FTO: variants seen among roughly 807,000 people sequenced by gnomAD.
FTO encodes FTO alpha-ketoglutarate dependent dioxygenase, also known as alpha-ketoglutarate-dependent dioxygenase FTO.
FTO carries 47 observed loss-of-function variants against 63.9 expected under a neutral mutation model. The observed-to-expected ratio is 0.74, with a 90% confidence interval of 0.58 to 0.94. FTO has a LOEUF of 0.94. Among genes scored for constraint, FTO ranks in the 40% least tolerant of loss-of-function variants. The pLI, the probability that FTO is intolerant of heterozygous loss-of-function variation, is 0.00. For synonymous variants in FTO, 207 were observed against 224.4 expected (o/e 0.92, Z 0.69); for missense variants, 562 against 618.1 (o/e 0.91, Z 0.96).
At chr16:53,830,356 C>T (rs531637245) in intron 3 of FTO, among the ~76,000 whole-genome samples, 6 of 152,118 alleles carry the variant, frequency 3.9e-5, no homozygotes, top group African/African-American at 7.2e-5. Context: ...CTATAAAAAA[C>T]GAACTTTAGC....
At chr16:53,917,235 G>A (rs908260896) in intron 7 of FTO, among the ~76,000 whole-genome samples, 9 of 152,180 alleles carry the variant, frequency 5.9e-5, no homozygotes, top group African/African-American at 2.2e-4. Context: ...TTGTTAAAGG[G>A]AATACATGAG....
intron 7 of FTO, among the ~76,000 whole-genome samples, chr16:53,891,137 C>T (rs1448570575): frequency 6.6e-6 from 1 of 151,662 alleles, no homozygotes; most frequent in African/African-American, 2.4e-5. Flanking sequence ...ATAACAGGGG[C>T]CCGCCACCAT....
At chr16:53,711,705 G>T (rs556008010) in intron 1 of FTO, among the ~76,000 whole-genome samples, 46 of 152,250 alleles carry the variant, frequency 3.0e-4, no homozygotes, top group African/African-American at 1.1e-3. Context: ...GCTGGCTTAG[G>T]TTAGATAATC....
At chr16:53,896,721 T>G (rs573456014) in intron 7 of FTO, among the ~76,000 whole-genome samples, 6 of 152,294 alleles carry the variant, frequency 3.9e-5, no homozygotes, top group Admixed American at 1.3e-4. Flanking sequence ...AATCCTTACT[T>G]CGAGGCCGGT....
At chr16:54,057,628 T>A (rs1246015675) in intron 8 of FTO, among the ~76,000 whole-genome samples, 1 of 151,662 alleles carries the variant, frequency 6.6e-6, no homozygotes. Context: ...CACGCCTGGC[T>A]AATTTTTTTT....
chr16:53,879,907 G>A lies in FTO; in HGVS notation c.1039G>A (p.Asp347Asn). Residue 347 changes from aspartate (D) to asparagine (N), a missense_variant, in exon 6 of 9, where the codon GAC (aspartate) becomes AAC (asparagine). By Grantham distance (23) the Asp-to-Asn change is conservative. Coordinates refer to ENST00000471389, the MANE Select transcript of FTO (RefSeq NM_001080432.3). ...RCQLALQNVC[D>N]DVDNDDVSLK... ...TCAGTTGGCTCTGCAGAATGTCTGT[G>A]ACGATGTGGACAATGATGATGTCTC... is the stretch of plus-strand genomic sequence containing the variant. 1 of 1,613,960 alleles carries A rather than the reference G, an allele frequency of 6.2e-7. No individual in the cohort carries two copies. The highest frequency in any genetic ancestry group is 8.5e-7 in the Non-Finnish European group (1 of 1,179,912).
chr16:53,783,481 G>A (rs536268977), intron 1 of FTO, among the ~76,000 whole-genome samples: 5 of 152,004 alleles, frequency 3.3e-5, no homozygotes, highest in East Asian at 3.9e-4. Context: ...GGTGGCGGGC[G>A]CCTGTAGTCC....
At chr16:53,966,570 G>A (rs1219869866) in intron 8 of FTO, among the ~76,000 whole-genome samples, 1 of 152,178 alleles carries the variant, frequency 6.6e-6, no homozygotes, top group Non-Finnish European at 1.5e-5. Context: ...TTCTCTATTA[G>A]CACATTCTCA....
chr16:53,752,920 C>CT lies in FTO; in HGVS notation c.45+48706dup, dbSNP rs749666605. The stretch of plus-strand genomic sequence containing the variant: ...AATTTACATAGTCAGATATGACTGC[C>CT]TTTTTTTTTTTTTTTAAAGAATCCT... On this transcript the variant is annotated intron_variant, in intron 1 of 8. Coordinates refer to ENST00000471389, the MANE Select transcript of FTO (RefSeq NM_001080432.3). Among the ~76,000 whole-genome samples the CT allele has an allele frequency of 2.9e-3, 401 of 138,112 alleles. 1 individual carries two copies. Among genetic ancestry groups the CT allele is most frequent in the African/African-American group, 5.4e-3 (202 of 37,634 alleles). 90.6% of individuals were successfully genotyped at this position (138,112 alleles called of 152,430 possible).
chr16:53,810,338 C>T lies in FTO; in HGVS notation c.123+121C>T, dbSNP rs886769563. On this transcript the variant is annotated intron_variant, in intron 2 of 8. Transcript: ENST00000471389. ...GGTGAAAAGGTCAAATTAGATCACCCATGACTTCTCATGGCCTACAGAGCA... is the reference window on the plus strand; with the variant it reads ...GGTGAAAAGGTCAAATTAGATCACCTATGACTTCTCATGGCCTACAGAGCA... The T allele has an allele frequency of 9.9e-6, 7 of 709,966 alleles. No individual in the cohort carries two copies. In the African/African-American group the frequency reaches 1.2e-4, roughly 13 times the overall value. 44.0% of individuals were successfully genotyped at this position (709,966 alleles called of 1,614,324 possible). A position where few individuals can be genotyped will look rare whatever the true frequency, so the allele number is the denominator to read the frequency against.
chr16:53,802,232 A>G (rs895374199), intron 1 of FTO, among the ~76,000 whole-genome samples: 2 of 152,320 alleles, frequency 1.3e-5, no homozygotes, highest in South Asian at 4.1e-4. Flanking sequence ...ACATCTTCCT[A>G]TGTACTTTAA....
intron 1 of FTO, among the ~76,000 whole-genome samples, chr16:53,760,505 C>G (rs2077040360): frequency 6.6e-6 from 1 of 152,016 alleles, no homozygotes; most frequent in African/African-American, 2.4e-5. Flanking sequence ...ACTGGCCTCC[C>G]AAAGTACTGG....
intron 1 of FTO, among the ~76,000 whole-genome samples, chr16:53,757,932 C>T (rs911151300): frequency 6.6e-6 from 1 of 152,160 alleles, no homozygotes; most frequent in African/African-American, 2.4e-5. Flanking sequence ...TCTGTTGTTG[C>T]AGAGTGCTGG....
At chr16:53,926,828 T>C (rs1026126285) in intron 7 of FTO, among the ~76,000 whole-genome samples, 11 of 152,162 alleles carry the variant, frequency 7.2e-5, no homozygotes, top group East Asian at 5.8e-4. Context: ...GGTTTTTTTT[T>C]TCCCCAGGCT....
At chr16:53,782,048 A>C (rs754906384) in intron 1 of FTO, among the ~76,000 whole-genome samples, 1 of 152,124 alleles carries the variant, frequency 6.6e-6, no homozygotes, top group Non-Finnish European at 1.5e-5. Context: ...ATCTGATGAC[A>C]GTTATGGAAC....
At chr16:53,876,118 A>T (rs924174947) in intron 5 of FTO, among the ~76,000 whole-genome samples, 5 of 152,170 alleles carry the variant, frequency 3.3e-5, no homozygotes, top group South Asian at 2.1e-4. Flanking sequence ...GTTCAAAATT[A>T]AAAAAAATAC....
intron 8 of FTO, among the ~76,000 whole-genome samples, chr16:53,970,913 A>G (rs1467498154): frequency 6.6e-6 from 1 of 152,224 alleles, no homozygotes. Flanking sequence ...CATAAGTGGG[A>G]ATATTCTAAA....
At chr16:53,900,109 TC>T (rs2081364630) in intron 7 of FTO, among the ~76,000 whole-genome samples, 1 of 152,174 alleles carries the variant, frequency 6.6e-6, no homozygotes, top group African/African-American at 2.4e-5. Flanking sequence ...CTCCCTTTTG[TC>T]CTGAGACAGA....
chr16:53,887,883 G>T (rs1303958876), intron 6 of FTO: 2 of 152,044 alleles, frequency 1.3e-5, no homozygotes, highest in East Asian at 3.9e-4. Flanking sequence ...ATATATATAG[G>T]TTAAGATTAT....
Sources: allele counts gnomAD v4.1 joint callset (sites outside exome capture counted in the v4.1 genomes callset), GRCh38; gene constraint gnomAD v4.1.1; transcripts MANE v1.5; gene names NCBI Gene and HGNC (gene_info 2026-07-23, HGNC 2026-07-21).